ADGRL3: variants seen among roughly 807,000 people sequenced by gnomAD.
The protein encoded by ADGRL3 is calcium-independent alpha-latrotoxin receptor 3.
A neutral mutation model predicts 153.5 loss-of-function variants in ADGRL3; 62 were observed. The ratio of observed to expected loss-of-function variants is 0.40; its 90% CI spans 0.33 to 0.50. The LOEUF (loss-of-function observed/expected upper bound fraction) is 0.50. Among genes scored for constraint, ADGRL3 ranks in the 20% least tolerant of loss-of-function variants. The pLI, the probability that ADGRL3 is intolerant of heterozygous loss-of-function variation, is 0.47. For synonymous variants in ADGRL3, 710 were observed against 672.5 expected (o/e 1.06, Z -0.86); for missense variants, 1,641 against 1,859.4 (o/e 0.88, Z 2.16).
chr4:61,840,699 A>G (rs1258114322), intron 9 of ADGRL3, among the ~76,000 whole-genome samples: 2 of 152,160 alleles, frequency 1.3e-5, no homozygotes, highest in Non-Finnish European at 2.9e-5. Context: ...ATTTTTCCCT[A>G]AAAGAGTAAA....
intron 1 of ADGRL3, among the ~76,000 whole-genome samples, chr4:61,378,034 G>T (rs2096625032): frequency 6.6e-6 from 1 of 151,680 alleles, no homozygotes; most frequent in South Asian, 2.1e-4. Context: ...ATTTAATTCT[G>T]TTTTGGTTAG....
chr4:61,668,464 A>T (rs543772414), intron 5 of ADGRL3, among the ~76,000 whole-genome samples: 2 of 152,326 alleles, frequency 1.3e-5, no homozygotes, highest in Admixed American at 6.5e-5. Flanking sequence ...AACAGAAAAA[A>T]CGAATACAAT....
intron 15 of ADGRL3, among the ~76,000 whole-genome samples, chr4:61,945,890 C>G (rs996296388): frequency 2.0e-5 from 3 of 152,102 alleles, no homozygotes; most frequent in African/African-American, 7.2e-5. Flanking sequence ...AGAAATCACC[C>G]GTCTTCTGCG....
intron 3 of ADGRL3, among the ~76,000 whole-genome samples, chr4:61,497,592 T>G (rs1370747517): frequency 6.7e-6 from 1 of 150,328 alleles, no homozygotes; most frequent in Non-Finnish European, 1.5e-5. Flanking sequence ...CTCGGCTTAC[T>G]GCAACCTCTG....
chr4:61,413,213 C>T (rs1320589340), intron 2 of ADGRL3, among the ~76,000 whole-genome samples: 1 of 152,158 alleles, frequency 6.6e-6, no homozygotes, highest in Non-Finnish European at 1.5e-5. Flanking sequence ...TAGGCCTCTA[C>T]TGATGCTGCC....
chr4:62,073,822 A>G lies in ADGRL3; in HGVS notation c.*2914A>G, dbSNP rs1746363373. 6.6e-6 allele frequency: 1 copy of G among 152,146 alleles called. No homozygotes were observed. The highest frequency in any genetic ancestry group is 1.5e-5 in the Non-Finnish European group (1 of 68,004). 9.4% of individuals were successfully genotyped at this position (152,146 alleles called of 1,614,324 possible). ...AAAAAGAGTGAGATTTTTGAACTCT[A>G]TACATCATAAATGGCATGCTTTCAG... On this transcript the variant is annotated 3_prime_UTR_variant, in exon 27 of 27. Coordinates refer to ENST00000683033, the MANE Select transcript of ADGRL3 (RefSeq NM_001387552.1).
At chr4:61,357,465 A>G (rs2096196885) in intron 1 of ADGRL3, among the ~76,000 whole-genome samples, 1 of 152,168 alleles carries the variant, frequency 6.6e-6, no homozygotes, top group Admixed American at 6.5e-5. Context: ...TTGCAAGTTA[A>G]CCAAATCCTA....
Position 62,031,465 on chromosome 4 carries a change from C to T in ADGRL3, c.3446C>T (p.Ala1149Val). ...AGGTCATGGGTTATAGGTGCAATAG[C>T]TCTTCTCTGCCTATTAGGATTGACC... is the stretch of plus-strand genomic sequence containing the variant. ...FIKSWVIGAI[A>V]LLCLLGLTWA... is the part of the protein sequence containing the mutation. Residue 1149 changes from alanine (A) to valine (V), a missense_variant, in exon 23 of 27, where the codon GCT becomes GTT. Around this residue, in one of 5 missense-constraint regions of ADGRL3, gnomAD observed 517 missense variants for 555.0 expected, o/e 0.93. Coordinates refer to ENST00000683033, the MANE Select transcript of ADGRL3 (RefSeq NM_001387552.1). 1 of 1,609,930 alleles carries T rather than the reference C, an allele frequency of 6.2e-7. No individual in the cohort carries two copies. Among genetic ancestry groups the T allele is most frequent in the Non-Finnish European group, 8.5e-7 (1 of 1,177,234 alleles).
chr4:61,868,107 G>GAT lies in ADGRL3; in HGVS notation c.1481-24540_1481-24539dup, dbSNP rs528244197. ...ATTGAATCGTATACTTTCTTGTGGA[G>GAT]ATATATATATGTGTGTGTTTTCTTT... On this transcript the variant is annotated intron_variant, in intron 9 of 26. Transcript: ENST00000683033. 4.2e-4 allele frequency among the ~76,000 whole-genome samples: 64 copies of GAT among 152,100 alleles called. No homozygotes were observed. The South Asian group carries it at 8.9e-3, about 21-fold the overall frequency.
chr4:61,609,628 C>T (rs1178447646), intron 5 of ADGRL3, among the ~76,000 whole-genome samples: 6 of 152,078 alleles, frequency 3.9e-5, no homozygotes, highest in Middle Eastern at 6.8e-3. Flanking sequence ...TAGAGTTCTT[C>T]CTCCTGAATT....
chr4:61,417,501 GA>G (rs1019156310), intron 2 of ADGRL3, among the ~76,000 whole-genome samples: 2 of 145,686 alleles, frequency 1.4e-5, no homozygotes, highest in South Asian at 4.4e-4. Flanking sequence ...AAACAAAAAC[GA>G]AAAAAAACAA....
intron 1 of ADGRL3, among the ~76,000 whole-genome samples, chr4:61,372,971 G>T (rs953138115): frequency 6.6e-6 from 1 of 152,212 alleles, no homozygotes; most frequent in African/African-American, 2.4e-5. Flanking sequence ...GCAGTATTCG[G>T]GTGGGAGTGA....
intron 1 of ADGRL3, among the ~76,000 whole-genome samples, chr4:61,313,754 G>A (rs1174823042): frequency 6.6e-6 from 1 of 152,148 alleles, no homozygotes; most frequent in Non-Finnish European, 1.5e-5. Flanking sequence ...ATTTAAGAAA[G>A]ATTAATAAAA....
chr4:62,017,800 G>C (rs898117433), intron 21 of ADGRL3, among the ~76,000 whole-genome samples: 1 of 152,094 alleles, frequency 6.6e-6, no homozygotes, highest in East Asian at 1.9e-4. Context: ...CTTTCTTAAA[G>C]AAATCTTCCA....
chr4:61,666,845 A>G (rs1022878172), intron 5 of ADGRL3, among the ~76,000 whole-genome samples: 7 of 152,156 alleles, frequency 4.6e-5, no homozygotes, highest in African/African-American at 2.4e-5. Context: ...AAATGCTGCT[A>G]CAAGTAGATA....
At chr4:61,204,521 A>G (rs948060510) in intron 1 of ADGRL3, among the ~76,000 whole-genome samples, 1 of 152,194 alleles carries the variant, frequency 6.6e-6, no homozygotes, top group African/African-American at 2.4e-5. Context: ...CCTAGCAGTC[A>G]TACATTCCAC....
intron 8 of ADGRL3, among the ~76,000 whole-genome samples, chr4:61,739,689 A>G (rs12642102): frequency 6.6e-6 from 1 of 152,010 alleles, no homozygotes; most frequent in Non-Finnish European, 1.5e-5. Context: ...CAGCACATGG[A>G]TCTATAATCT....
chr4:61,965,950 G>GT (rs1489044275), intron 17 of ADGRL3, among the ~76,000 whole-genome samples: 3 of 152,072 alleles, frequency 2.0e-5, no homozygotes. Flanking sequence ...GATGTTAATT[G>GT]TTTTTTGAAT....
chr4:61,299,906 A>G (rs1166735283), intron 1 of ADGRL3, among the ~76,000 whole-genome samples: 1 of 152,166 alleles, frequency 6.6e-6, no homozygotes, highest in Admixed American at 6.5e-5. Context: ...GCCATCTATT[A>G]TTATTATTAC....
Sources: allele counts gnomAD v4.1 joint callset (sites outside exome capture counted in the v4.1 genomes callset), GRCh38; gene constraint gnomAD v4.1.1; regional missense constraint gnomAD v4.1.1; transcripts MANE v1.5; gene names NCBI Gene and HGNC (gene_info 2026-07-23, HGNC 2026-07-21).